LCMT1: variants seen among roughly 807,000 people sequenced by gnomAD.
LCMT1 encodes the protein leucine carboxyl methyltransferase 1.
A neutral mutation model predicts 47.7 loss-of-function variants in LCMT1; 32 were observed. The ratio of observed to expected loss-of-function variants is 0.67; its 90% CI spans 0.51 to 0.90. LCMT1 has a LOEUF of 0.90. Ranked by LOEUF, LCMT1 falls within the 40% of genes least tolerant of loss-of-function variation. LCMT1 has a pLI of 0.00. For missense variants in LCMT1, 375 were observed against 415.2 expected, an observed-to-expected ratio of 0.90 and a Z score of 0.84; for synonymous variants, 152 against 149.7, an observed-to-expected ratio of 1.02 and a Z score of -0.11.
rs1289212041 is a variant in LCMT1 at position 25,111,771 on chromosome 16, A to G, written c.-113A>G. 2.6e-5 allele frequency: 18 copies of G among 688,308 alleles called. No homozygotes were observed. Among genetic ancestry groups the G allele is most frequent in the Non-Finnish European group, 3.9e-5 (15 of 387,016 alleles). 42.6% of individuals were successfully genotyped at this position (688,308 alleles called of 1,614,324 possible). On this transcript the variant is annotated 5_prime_UTR_variant, in exon 1 of 11. Transcript: ENST00000399069. ...CTGAGCCGCGCCAGCTGAGCCAGGT[A>G]GGGCCCTACCCTCTTCTGTTGCTTT...
intron 6 of LCMT1, among the ~76,000 whole-genome samples, chr16:25,164,293 A>T (rs1961521032): frequency 6.6e-6 from 1 of 152,172 alleles, no homozygotes; most frequent in African/African-American, 2.4e-5. Flanking sequence ...CTGCATTGTT[A>T]TGTTGGCGTG....
chr16:25,144,480 C>T (rs1236239648), intron 4 of LCMT1: 1 of 152,432 alleles, frequency 6.6e-6, no homozygotes. Flanking sequence ...GCTAGGCCTG[C>T]TGGAGTCTGT....
chr16:25,151,453 C>A, intron 4 of LCMT1, 101 bp from the exon 5 acceptor site: 2 of 953,526 alleles, frequency 2.1e-6, no homozygotes, highest in South Asian at 1.5e-5. Context: ...ATATATTTGC[C>A]ATTTTGGTAG....
At chr16:25,150,591 G>T (rs952837539) in intron 4 of LCMT1, among the ~76,000 whole-genome samples, 3 of 151,982 alleles carry the variant, frequency 2.0e-5, no homozygotes, top group Non-Finnish European at 4.4e-5. Flanking sequence ...TGATCTGCCT[G>T]CCTTGGCCTC....
chr16:25,159,269 G>A (rs277896), intron 5 of LCMT1, among the ~76,000 whole-genome samples: 38,625 of 152,072 alleles, frequency 0.25, 5,002 homozygotes, highest in East Asian at 0.34. Flanking sequence ...AACTACCTTC[G>A]TATTCTTTTA....
chr16:25,164,287 A>G (rs757350284), intron 6 of LCMT1, among the ~76,000 whole-genome samples: 25 of 152,170 alleles, frequency 1.6e-4, no homozygotes, highest in African/African-American at 5.6e-4. Flanking sequence ...GGGAAGCTGC[A>G]TTGTTATGTT....
chr16:25,131,315 C>T (rs964821139), intron 2 of LCMT1, among the ~76,000 whole-genome samples: 7 of 152,272 alleles, frequency 4.6e-5, no homozygotes, highest in South Asian at 2.1e-4. Context: ...CCCCACCCCA[C>T]GCCCTGGCGG....
chr16:25,112,737 A>G (rs1361367401), intron 1 of LCMT1, among the ~76,000 whole-genome samples: 1 of 151,588 alleles, frequency 6.6e-6, no homozygotes, highest in East Asian at 2.0e-4. Context: ...GTTGGAAAAG[A>G]GAGACAGGAA....
chr16:25,169,409 A>C, intron 8 of LCMT1, 196 bp downstream of exon 8: 2 of 501,122 alleles, frequency 4.0e-6, no homozygotes, highest in Non-Finnish European at 3.6e-6. Flanking sequence ...CATTTCCTAC[A>C]CCCTATTATT....
At chr16:25,122,098 T>G (rs1278384505) in intron 1 of LCMT1, among the ~76,000 whole-genome samples, 1 of 152,218 alleles carries the variant, frequency 6.6e-6, no homozygotes, top group Non-Finnish European at 1.5e-5. Flanking sequence ...GCAAAATGCT[T>G]CTTGAAAGAG....
chr16:25,139,769 C>T (rs1474553100), intron 3 of LCMT1, among the ~76,000 whole-genome samples: 4 of 152,010 alleles, frequency 2.6e-5, no homozygotes, highest in East Asian at 1.9e-4. Flanking sequence ...TGGCCTCAAA[C>T]GATCCTCCTG....
chr16:25,139,517 GA>G (rs997940088), intron 3 of LCMT1, among the ~76,000 whole-genome samples: 68 of 145,738 alleles, frequency 4.7e-4, no homozygotes, highest in African/African-American at 1.1e-3. Flanking sequence ...CTCAAAAAAA[GA>G]AAAAAAAAAT....
chr16:25,158,775 A>G (rs1182077485), intron 5 of LCMT1: 1 of 152,218 alleles, frequency 6.6e-6, no homozygotes, highest in African/African-American at 2.4e-5. Flanking sequence ...TGGACCTGTT[A>G]TTTCCCTACA....
At chr16:25,154,112 C>G (rs150584049) in intron 5 of LCMT1, among the ~76,000 whole-genome samples, 1 of 151,882 alleles carries the variant, frequency 6.6e-6, no homozygotes, top group Non-Finnish European at 1.5e-5. Context: ...TGGGTTCAAG[C>G]GATTCTCCTG....
At chr16:25,122,338 C>G (rs577846995) in intron 1 of LCMT1, among the ~76,000 whole-genome samples, 12 of 152,216 alleles carry the variant, frequency 7.9e-5, no homozygotes, top group African/African-American at 2.9e-4. Context: ...GACAGTCTCA[C>G]TCTGTCGCCC....
intron 7 of LCMT1, among the ~76,000 whole-genome samples, chr16:25,167,289 G>T (rs1261930862): frequency 6.6e-6 from 1 of 151,822 alleles, no homozygotes; most frequent in Non-Finnish European, 1.5e-5. Flanking sequence ...TTGCTCACAT[G>T]CTTTACATTG....
At chr16:25,151,666 AC>A in intron 5 of LCMT1, 51 bp downstream of exon 5, 3 of 1,412,356 alleles carry the variant, frequency 2.1e-6, no homozygotes, top group African/African-American at 3.0e-5. Context: ...TTTGCTTCCC[AC>A]CCCCTTTTTG....
chr16:25,135,311 C>A (rs1404867116), intron 3 of LCMT1, among the ~76,000 whole-genome samples: 1 of 142,590 alleles, frequency 7.0e-6, no homozygotes, highest in African/African-American at 2.7e-5. Flanking sequence ...ATATATATAA[C>A]ATTTGTTTGC....
rs61022139 is a variant in LCMT1, at chr16:25,116,717, C to CAAAAA, written c.113+4735_113+4739dup. On this transcript the variant is annotated intron_variant, in intron 1 of 10. Transcript: ENST00000399069. Reference sequence around the variant, plus strand: ...GCAACATGGAGAAACCTCCTCTCCACAAAAAAAAAAAAAAAAAATACAAAA... The same window carrying CAAAAA: ...GCAACATGGAGAAACCTCCTCTCCACAAAAAAAAAAAAAAAAAAAAAAATACAAAA... Among the ~76,000 whole-genome samples, 66 of 63,524 alleles carry CAAAAA rather than the reference C, an allele frequency of 1.0e-3. 1 individual carries two copies. Among genetic ancestry groups the CAAAAA allele is most frequent in the African/African-American group, 3.3e-3 (63 of 19,082 alleles). The allele number at this position is 63,524 out of a possible 152,430, so 41.7% of individuals were successfully genotyped here.
Sources: gnomAD v4.1 joint callset for allele counts (sites outside exome capture counted in the v4.1 genomes callset) on GRCh38, gnomAD v4.1.1 for gene constraint, MANE v1.5 for transcripts, NCBI Gene and HGNC (gene_info 2026-07-23, HGNC 2026-07-21) for gene names.